Variants in SEC14L1 observed in about 807,000 individuals in gnomAD.
SEC14L1 encodes SEC14 like lipid binding 1, also known as SEC14-like protein 1.
Under a neutral mutation model 85.3 loss-of-function variants are expected in SEC14L1, and 48 were observed. That is an observed-to-expected ratio of 0.56 (90% CI 0.45 to 0.72). The LOEUF is 0.72. Among genes scored for constraint, SEC14L1 ranks in the 30% least tolerant of loss-of-function variants. The probability of loss-of-function intolerance (pLI) is 0.00; values close to 1 mark genes in which losing one functional copy is unlikely to be tolerated. For missense variants in SEC14L1, 682 were observed against 921.4 expected, an observed-to-expected ratio of 0.74 and a Z score of 3.36; for synonymous variants, 391 against 355.5, an observed-to-expected ratio of 1.10 and a Z score of -1.12.
intron 5 of SEC14L1, 127 bp downstream of exon 5, chr17:77,191,439 C>A: frequency 9.7e-7 from 1 of 1,025,916 alleles, no homozygotes; most frequent in South Asian, 1.5e-5. Context: ...TGTTGTCACT[C>A]ATTTCTCATG....
chr17:77,159,217 C>T (rs1188265703), intron 3 of SEC14L1, among the ~76,000 whole-genome samples: 3 of 50 alleles, frequency 0.06, no homozygotes, highest in African/African-American at 0.11. Context: ...AGGTGTGAGC[C>T]ACCACCACCT....
chr17:77,213,605 T>G lies in SEC14L1; in HGVS notation c.2042+113T>G, dbSNP rs1049750541. ...CAGTGGCGGCGGGTGTCAGGAATGC[T>G]TGGAGGGCCAGGAGGGAGTGGCTTT... is the stretch of plus-strand genomic sequence containing the variant. On this transcript the variant is annotated intron_variant, in intron 16 of 16. Transcript: ENST00000436233. This position sits in a 1 kb window ranked among gnomAD's most constrained non-coding sequence, Gnocchi z 7.1. The G allele has an allele frequency of 7.6e-7, 1 of 1,309,430 alleles. No individual in the cohort carries two copies. Among genetic ancestry groups the G allele is most frequent in the Admixed American group, 1.9e-5 (1 of 52,408 alleles). 81.1% of individuals were successfully genotyped at this position (1,309,430 alleles called of 1,614,324 possible). A position where few individuals can be genotyped will look rare whatever the true frequency, so the allele number is the denominator to read the frequency against.
At chr17:77,113,804 A>C (rs933206499) in intron 3 of SEC14L1, among the ~76,000 whole-genome samples, 2 of 152,186 alleles carry the variant, frequency 1.3e-5, no homozygotes, top group Non-Finnish European at 2.9e-5. Context: ...TCTCCCTTCT[A>C]AGCCACCCAT....
At position 77,200,625 on chromosome 17, in the gene SEC14L1, C is replaced by A; in HGVS notation, c.961C>A (p.Gln321Lys). ...CATTCTTGAAACCTGGACCCCTCCTCAGGTCCTTCAGGATTACTACGCGGG... is the reference window on the plus strand; with the variant it reads ...CATTCTTGAAACCTGGACCCCTCCTAAGGTCCTTCAGGATTACTACGCGGG... ...DYILETWTPP[Q>K]VLQDYYAGGW... The change falls in exon 9 of 17, where the codon CAG becomes AAG. Residue 321 changes from glutamine (Q) to lysine (K), a missense_variant. Coordinates refer to ENST00000436233, the MANE Select transcript of SEC14L1 (RefSeq NM_001143998.2). 1.9e-6 allele frequency: 3 copies of A among 1,614,104 alleles called. No homozygotes were observed. Among genetic ancestry groups the A allele is most frequent in the Non-Finnish European group, 2.5e-6 (3 of 1,180,008 alleles).
intron 14 of SEC14L1, chr17:77,210,672 G>A (rs933388525): frequency 6.6e-6 from 1 of 152,142 alleles, no homozygotes. Context: ...ATACATAGAG[G>A]AATCTCAGAT....
chr17:77,116,556 C>G (rs1227107086), intron 3 of SEC14L1, among the ~76,000 whole-genome samples: 3 of 152,140 alleles, frequency 2.0e-5, no homozygotes, highest in Non-Finnish European at 2.9e-5. Flanking sequence ...CTGCTCCTGT[C>G]TGAACAGAGA....
At chr17:77,183,344 C>G (rs1056882483) in intron 3 of SEC14L1, among the ~76,000 whole-genome samples, 2 of 152,240 alleles carry the variant, frequency 1.3e-5, no homozygotes, top group African/African-American at 4.8e-5. Flanking sequence ...TTCTCTGTCT[C>G]TTTCACAAAC....
chr17:77,110,339 G>C (rs1708980438), intron 3 of SEC14L1, among the ~76,000 whole-genome samples: 1 of 152,178 alleles, frequency 6.6e-6, no homozygotes, highest in African/African-American at 2.4e-5. Context: ...TAGAGAGCCT[G>C]GATCTTGCAG....
intron 3 of SEC14L1, among the ~76,000 whole-genome samples, chr17:77,164,970 C>G (rs765343605): frequency 6.6e-6 from 1 of 152,172 alleles, no homozygotes; most frequent in African/African-American, 2.4e-5. Flanking sequence ...CCAAGTAGAT[C>G]GTGTTTCCTT....
At chr17:77,169,313 G>C (rs1037409616) in intron 3 of SEC14L1, among the ~76,000 whole-genome samples, 1 of 152,194 alleles carries the variant, frequency 6.6e-6, no homozygotes, top group Non-Finnish European at 1.5e-5. Flanking sequence ...CTGGAGGCCA[G>C]ATGGCCCTCG....
chr17:77,208,881 G>A (rs1976598776), intron 13 of SEC14L1, among the ~76,000 whole-genome samples: 1 of 152,208 alleles, frequency 6.6e-6, no homozygotes, highest in Non-Finnish European at 1.5e-5. Context: ...TTTGGCTGGT[G>A]TTATAGACCA....
intron 3 of SEC14L1, among the ~76,000 whole-genome samples, chr17:77,112,577 C>A (rs1479011073): frequency 6.6e-6 from 1 of 152,130 alleles, no homozygotes; most frequent in African/African-American, 2.4e-5. Flanking sequence ...TTAACAGTTA[C>A]AAAGATGAAT....
chr17:77,195,195 T>C (rs1975743980), intron 7 of SEC14L1, among the ~76,000 whole-genome samples: 1 of 152,184 alleles, frequency 6.6e-6, no homozygotes, highest in African/African-American at 2.4e-5. Context: ...GGGGTCTCAC[T>C]GTGTTGCCCA....
chr17:77,111,231 G>C (rs1393206938), intron 3 of SEC14L1, among the ~76,000 whole-genome samples: 1 of 151,802 alleles, frequency 6.6e-6, no homozygotes, highest in Admixed American at 6.6e-5. Context: ...GGTCCAGAAA[G>C]GCGGGACAAC....
intron 3 of SEC14L1, among the ~76,000 whole-genome samples, chr17:77,102,540 A>G (rs1036859663): frequency 2.9e-4 from 44 of 151,532 alleles, no homozygotes; most frequent in African/African-American, 1.0e-3. Flanking sequence ...GTCTCACTCT[A>G]TTGCCCAGCC....
chr17:77,120,069 G>A (rs989410256), intron 3 of SEC14L1, among the ~76,000 whole-genome samples: 16 of 152,040 alleles, frequency 1.1e-4, no homozygotes, highest in Admixed American at 3.3e-4. Context: ...GACAAACATC[G>A]TCTTAAAAAT....
chr17:77,214,070 C>G lies in SEC14L1; in HGVS notation c.*47C>G, dbSNP rs753151840. ...TGTGCAGAGGGGACGGCCGCCCCTC[C>G]TCGGACAGCCAGCTGCACCCGCCCA... On this transcript the variant is annotated 3_prime_UTR_variant, in exon 17 of 17. Coordinates refer to ENST00000436233, the MANE Select transcript of SEC14L1 (RefSeq NM_001143998.2). The G allele has an allele frequency of 6.1e-5, 97 of 1,583,384 alleles. No homozygotes were observed. Among genetic ancestry groups the G allele is most frequent in the Non-Finnish European group, 8.0e-5 (93 of 1,163,704 alleles).
intron 2 of SEC14L1, among the ~76,000 whole-genome samples, chr17:77,090,643 A>G (rs561205624): frequency 2.4e-4 from 37 of 152,090 alleles, no homozygotes; most frequent in African/African-American, 8.2e-4. Flanking sequence ...AGGAACTGAA[A>G]GAAGGCCTTT....
chr17:77,136,386 T>C (rs968727121), upstream of SEC14L1, among the ~76,000 whole-genome samples: 11 of 151,940 alleles, frequency 7.2e-5, no homozygotes, highest in South Asian at 2.1e-4. Flanking sequence ...CCTTCCTCCT[T>C]CTTTCTTTTG....
Sources: allele counts gnomAD v4.1 joint callset (sites outside exome capture counted in the v4.1 genomes callset), GRCh38; gene constraint gnomAD v4.1.1; non-coding constraint Gnocchi (gnomAD v3.1); transcripts MANE v1.5; gene names NCBI Gene and HGNC (gene_info 2026-07-23, HGNC 2026-07-21).